Variants in TTC29 observed in about 807,000 individuals in gnomAD.
TTC29 encodes the protein tetratricopeptide repeat domain 29, also known as tetratricopeptide repeat protein 29.
Under a neutral mutation model 58.1 loss-of-function variants are expected in TTC29, and 49 were observed. The observed-to-expected ratio is 0.84, with a 90% CI of 0.67 to 1.07. The LOEUF (loss-of-function observed/expected upper bound fraction) is 1.07, where lower values mean the gene tolerates loss of function less well. Ranked by LOEUF, TTC29 falls within the 50% of genes least tolerant of loss-of-function variation. TTC29 has a pLI of 0.00. For synonymous variants in TTC29, 209 were observed against 196.8 expected (o/e 1.06, Z -0.52); for missense variants, 582 against 555.6 (o/e 1.05, Z -0.48).
intron 4 of TTC29, among the ~76,000 whole-genome samples, chr4:146,935,999 C>A (rs1386459139): frequency 2.0e-5 from 3 of 152,126 alleles, no homozygotes; most frequent in African/African-American, 7.2e-5. Flanking sequence ...CAATCAAAAG[C>A]ATAATAATGA....
At chr4:146,806,650 C>A (rs1411840937) in intron 10 of TTC29, among the ~76,000 whole-genome samples, 1 of 151,494 alleles carries the variant, frequency 6.6e-6, no homozygotes, top group East Asian at 1.9e-4. Context: ...AAGGGCACTA[C>A]ATAATGGTAA....
At chr4:146,737,768 G>A (rs1457916249) in intron 11 of TTC29, among the ~76,000 whole-genome samples, 1 of 152,126 alleles carries the variant, frequency 6.6e-6, no homozygotes, top group Non-Finnish European at 1.5e-5. Context: ...AAACTGTTCA[G>A]CCCATAATGT....
chr4:146,916,243 G>A (rs907435436), intron 4 of TTC29, among the ~76,000 whole-genome samples: 1 of 151,630 alleles, frequency 6.6e-6, no homozygotes, highest in Non-Finnish European at 1.5e-5. Context: ...AAAATTATAT[G>A]AGTTGTTTAT....
chr4:146,944,815 A>T (rs576004227), intron 2 of TTC29, among the ~76,000 whole-genome samples: 15,100 of 71,944 alleles, frequency 0.21, 1,541 homozygotes, highest in African/African-American at 0.42. Context: ...TCCCTAAGTA[A>T]AAAAAAAAAC....
intron 3 of TTC29, among the ~76,000 whole-genome samples, 157 bp downstream of exon 3, chr4:146,939,647 T>C (rs946901186): frequency 1.3e-5 from 2 of 152,256 alleles, no homozygotes; most frequent in African/African-American, 4.8e-5. Flanking sequence ...ATGTGGTTCA[T>C]AAATCCTTTT....
chr4:146,922,296 A>G (rs1734647587), intron 4 of TTC29, among the ~76,000 whole-genome samples: 1 of 151,480 alleles, frequency 6.6e-6, no homozygotes, highest in Non-Finnish European at 1.5e-5. Flanking sequence ...ATGAAATAAT[A>G]CTAAATAAAA....
intron 11 of TTC29, among the ~76,000 whole-genome samples, chr4:146,790,765 G>A (rs1345305439): frequency 1.3e-5 from 2 of 152,176 alleles, no homozygotes; most frequent in Non-Finnish European, 2.9e-5. Flanking sequence ...GCTGGGACTT[G>A]CTAAGCAAGA....
At chr4:146,909,969 A>T (rs1370606607) in intron 4 of TTC29, among the ~76,000 whole-genome samples, 2 of 152,192 alleles carry the variant, frequency 1.3e-5, no homozygotes, top group Non-Finnish European at 2.9e-5. Context: ...TAAGCAAATG[A>T]GAAATAATTT....
At chr4:146,781,857 C>T (rs1204826472) in intron 11 of TTC29, among the ~76,000 whole-genome samples, 1 of 151,768 alleles carries the variant, frequency 6.6e-6, no homozygotes, top group Admixed American at 6.6e-5. Flanking sequence ...TTTATGCGTG[C>T]ATGGAGTATG....
chr4:146,944,066 G>A (rs1367931546), intron 2 of TTC29: 1 of 152,344 alleles, frequency 6.6e-6, no homozygotes, highest in East Asian at 1.9e-4. Context: ...TCAGGTTCAG[G>A]TGAGTAAGAA....
intron 11 of TTC29, among the ~76,000 whole-genome samples, chr4:146,775,002 T>C (rs1353463752): frequency 6.6e-6 from 1 of 152,204 alleles, no homozygotes; most frequent in Non-Finnish European, 1.5e-5. Context: ...TATTATATAA[T>C]GCCCTTGTCT....
intron 11 of TTC29, among the ~76,000 whole-genome samples, chr4:146,794,211 G>A (rs953843431): frequency 2.0e-5 from 3 of 152,078 alleles, no homozygotes; most frequent in African/African-American, 7.2e-5. Flanking sequence ...CACATGAGAG[G>A]TAGTTAATGT....
intron 6 of TTC29, among the ~76,000 whole-genome samples, chr4:146,900,981 C>A (rs150529256): frequency 3.8e-4 from 58 of 152,294 alleles, no homozygotes; most frequent in Non-Finnish European, 5.6e-4. Flanking sequence ...CAACATAGCC[C>A]TGACTTCTTT....
At chr4:146,741,803 T>A (rs190682072) in intron 11 of TTC29, among the ~76,000 whole-genome samples, 4 of 152,316 alleles carry the variant, frequency 2.6e-5, no homozygotes. Flanking sequence ...GGTGAATTCC[T>A]ACTCTACTCC....
intron 4 of TTC29, among the ~76,000 whole-genome samples, chr4:146,918,933 T>C (rs1335142955): frequency 2.0e-5 from 3 of 151,174 alleles, no homozygotes; most frequent in Admixed American, 1.3e-4. Context: ...TTTAGAAACA[T>C]TTGTTGATCT....
intron 11 of TTC29, among the ~76,000 whole-genome samples, chr4:146,754,336 G>T (rs906925066): frequency 6.6e-6 from 1 of 151,740 alleles, no homozygotes; most frequent in African/African-American, 2.4e-5. Flanking sequence ...ACAAATAAAA[G>T]CCCAGATAGC....
chr4:146,916,872 A>G (rs2150296759), intron 4 of TTC29, among the ~76,000 whole-genome samples: 1 of 151,626 alleles, frequency 6.6e-6, no homozygotes. Flanking sequence ...CAAATATTCA[A>G]CTGTTAAAAA....
chr4:146,796,863 TAGAA>T (rs1749867913), intron 11 of TTC29, among the ~76,000 whole-genome samples: 3 of 152,156 alleles, frequency 2.0e-5, no homozygotes, highest in African/African-American at 4.8e-5. Context: ...TCATAGCAAA[TAGAA>T]AGCCATCAGA....
intron 11 of TTC29, among the ~76,000 whole-genome samples, chr4:146,775,763 G>A (rs1748045947): frequency 6.6e-6 from 1 of 151,952 alleles, no homozygotes; most frequent in Admixed American, 6.6e-5. Flanking sequence ...TATCTTGCAG[G>A]GGTTCTCTGC....
Sources: allele counts gnomAD v4.1 joint callset (sites outside exome capture counted in the v4.1 genomes callset), GRCh38; gene constraint gnomAD v4.1.1; transcripts MANE v1.5; gene names NCBI Gene and HGNC (gene_info 2026-07-23, HGNC 2026-07-21).